Variants in DNAH17 observed in about 807,000 individuals in gnomAD.
DNAH17 encodes axonemal beta dynein heavy chain 17.
Under a neutral mutation model 485.6 loss-of-function variants are expected in DNAH17, and 376 were observed. The ratio of observed to expected loss-of-function variants is 0.77; its 90% CI spans 0.71 to 0.84. DNAH17 has a LOEUF of 0.84. Among genes scored for constraint, DNAH17 ranks in the 40% least tolerant of loss-of-function variants. The pLI is 0.00. For missense variants in DNAH17, 6,370 were observed against 5,839.3 expected (o/e 1.09, Z -2.96); for synonymous variants, 3,031 against 2,405.9 (o/e 1.26, Z -7.60).
chr17:78,457,113 G>A (rs4969146), intron 62 of DNAH17, among the ~76,000 whole-genome samples: 19,788 of 152,310 alleles, frequency 0.13, 1,475 homozygotes, highest in Admixed American at 0.24. Context: ...GCTCACGCCT[G>A]TAATCCCAGC....
intron 68 of DNAH17, 181 bp downstream of exon 68, chr17:78,450,072 TG>T: frequency 1.5e-6 from 1 of 653,598 alleles, no homozygotes; most frequent in Non-Finnish European, 2.6e-6. Context: ...GGAGAATGGG[TG>T]TAGGACTGAT....
In DNAH17 at chr17:78,486,654, G is replaced by A. The variant is rs568982762; in HGVS notation, c.6819-148C>T. 1.0e-4 allele frequency: 104 copies of A among 1,008,572 alleles called. No homozygotes were observed. The African/African-American group carries it at 1.5e-3, about 14-fold the overall frequency. The allele number at this position is 1,008,572 out of a possible 1,614,324, so 62.5% of individuals were successfully genotyped here. ...TGCCTGCATGGCAATGGGTCCAAAC[G>A]AGGGTGCCAGAGGGGCCAGTTGCAG... On this transcript the variant is annotated intron_variant, in intron 44 of 80. Transcript: ENST00000389840.
At chr17:78,494,298 G>T in intron 40 of DNAH17, 125 bp from the exon 41 acceptor site, 2 of 1,366,384 alleles carry the variant, frequency 1.5e-6, no homozygotes, top group South Asian at 1.4e-5. Context: ...TCCGATGCAC[G>T]TGCGTCTGCA....
At chr17:78,546,313 C>T (rs2091762503) in intron 16 of DNAH17, among the ~76,000 whole-genome samples, 1 of 152,234 alleles carries the variant, frequency 6.6e-6, no homozygotes. Context: ...ATTTTATCTT[C>T]AACCTTTCCA....
chr17:78,426,733 C>T (rs1249982033), intron 78 of DNAH17, 133 bp from the exon 79 acceptor site: 7 of 1,357,118 alleles, frequency 5.2e-6, no homozygotes, highest in South Asian at 1.4e-5. Context: ...GCATCAGGGC[C>T]ACGCAAGCGC....
chr17:78,474,876 C>G (rs113625137), intron 54 of DNAH17, among the ~76,000 whole-genome samples: 1 of 148,712 alleles, frequency 6.7e-6, no homozygotes, highest in Non-Finnish European at 1.5e-5. Context: ...GATTTCACAC[C>G]CTTCACCTCA....
In DNAH17 at chr17:78,574,348, C is replaced by T. The variant is rs145601257; in HGVS notation, c.345+365G>A. On this transcript the variant is annotated intron_variant, in intron 2 of 80. Transcript: ENST00000389840. ...AGACCTCATCTCTTACCAAAAAATA[C>T]GAAAATTAGCCAGGTGTGGTGGTGC... 2.3e-3 allele frequency among the ~76,000 whole-genome samples: 355 copies of T among 152,004 alleles called. 1 individual carries two copies. The highest frequency in any genetic ancestry group is 4.4e-3 in the Non-Finnish European group (298 of 67,970).
Position 78,433,115 on chromosome 17 carries a change from G to C in DNAH17, c.12225+914C>G, listed in dbSNP as rs2146432755. ...ATGTCGCTATTGATTTGGAGGCCGA[G>C]AGTGAGGAGGAGGACCCAGGGTTTA... On this transcript the variant is annotated intron_variant, in intron 75 of 80. Transcript: ENST00000389840. Among the ~76,000 whole-genome samples, 3 of 152,300 alleles carry C rather than the reference G, an allele frequency of 2.0e-5. No individual in the cohort carries two copies. The Middle Eastern group carries it at 0.01, about 518-fold the overall frequency.
intron 56 of DNAH17, among the ~76,000 whole-genome samples, chr17:78,464,184 C>G (rs1229450337): frequency 6.6e-6 from 1 of 152,174 alleles, no homozygotes; most frequent in Non-Finnish European, 1.5e-5. Context: ...CTGAGTTGGT[C>G]AAAAGTGAGC....
At chr17:78,546,914 A>AG (rs1188531282) in intron 16 of DNAH17, among the ~76,000 whole-genome samples, 4 of 111,142 alleles carry the variant, frequency 3.6e-5, no homozygotes, top group Admixed American at 8.2e-5. Flanking sequence ...CAAGAAAGAA[A>AG]AAAAAAAATT....
Position 78,532,756 on chromosome 17 carries a change from A to G in DNAH17, c.2860-20T>C. On this transcript the variant is annotated intron_variant, in intron 19 of 80. Coordinates refer to ENST00000389840, the MANE Select transcript of DNAH17 (RefSeq NM_173628.4). ...GTCCATCTGAAAGGGGCAGGGGAGA[A>G]GCAAAAAGGGGAGGTATGTTGCCTG... 1 of 1,565,752 alleles carries G rather than the reference A, an allele frequency of 6.4e-7. No homozygotes were observed. Among genetic ancestry groups the G allele is most frequent in the Non-Finnish European group, 8.7e-7 (1 of 1,153,180 alleles).
At chr17:78,425,983 G>A (rs932687863) in intron 79 of DNAH17, among the ~76,000 whole-genome samples, 2 of 151,998 alleles carry the variant, frequency 1.3e-5, no homozygotes, top group Non-Finnish European at 1.5e-5. Flanking sequence ...GGCTGGTCTC[G>A]AACTCCTGGC....
At chr17:78,451,408 ACCTGGCCCCCTCTG>A in intron 66 of DNAH17, 47 bp downstream of exon 66, 3 of 1,497,864 alleles carry the variant, frequency 2.0e-6, no homozygotes, top group Non-Finnish European at 1.8e-6. Context: ...CCTCACAGTG[ACCTGGCCCCCTCTG>A]TGTGGGACGG....
At chr17:78,431,635 C>CA (rs2086679159) in intron 75 of DNAH17, among the ~76,000 whole-genome samples, 1 of 152,134 alleles carries the variant, frequency 6.6e-6, no homozygotes, top group Admixed American at 6.5e-5. Context: ...TGACATCATT[C>CA]CCGGTGGTCA....
Position 78,560,755 on chromosome 17 carries a change from G to A in DNAH17, c.2016C>T (p.Val672=). The A allele has an allele frequency of 6.4e-7, 1 of 1,551,216 alleles. No individual in the cohort carries two copies. The highest frequency in any genetic ancestry group is 8.7e-7 in the Non-Finnish European group (1 of 1,146,592). Residue 672 remains valine (V), a synonymous_variant, in exon 13 of 81, where the codon GTC becomes GTT. Coordinates refer to ENST00000389840, the MANE Select transcript of DNAH17 (RefSeq NM_173628.4). ...LRDAASNLIH[V]NFSKALVAVL... is the part of the protein sequence containing the mutation. ...TGGCACCCACCGCTTTGCTGAAGTTGACGTGGATGAGGTTGCTAGCGGCGT... is the reference window on the plus strand; with the variant it reads ...TGGCACCCACCGCTTTGCTGAAGTTAACGTGGATGAGGTTGCTAGCGGCGT...
At chr17:78,519,192 A>AAAAAAAAAAAT (rs1568188789) in intron 25 of DNAH17, among the ~76,000 whole-genome samples, 3 of 147,138 alleles carry the variant, frequency 2.0e-5, no homozygotes, top group African/African-American at 7.6e-5. Flanking sequence ...AAAAAAAAAA[A>AAAAAAAAAAAT]AGAAATGTAA....
rs751840513 is a variant in DNAH17, at chr17:78,424,145, A to G, written c.13150T>C (p.Trp4384Arg). ...VYGLFMEGAR[W>R]DTQTGVIAEA... ...GCGATGACTCCAGTCTGGGTGTCCC[A>G]GCGAGCCCCTGCAGGGACAGTATGG... The change falls in exon 81 of 81, where the codon TGG becomes CGG. Residue 4384 changes from tryptophan (W) to arginine (R), a missense_variant. Physicochemically the swap from Trp to Arg is moderately radical, Grantham distance 101 (BLOSUM62 -3). Transcript: ENST00000389840. 16 of 1,611,030 alleles carry G rather than the reference A, an allele frequency of 9.9e-6. No homozygotes were observed. The highest frequency in any genetic ancestry group is 1.4e-5 in the Non-Finnish European group (16 of 1,178,896).
chr17:78,478,892 T>TATC (rs1158732094), intron 51 of DNAH17, 133 bp downstream of exon 51: 2 of 704,522 alleles, frequency 2.8e-6, no homozygotes, highest in African/African-American at 3.6e-5. Context: ...CCACCATTAT[T>TATC]ATCATCATTA....
Position 78,494,155 on chromosome 17 carries a change from C to T in DNAH17, c.6289G>A (p.Val2097Met), listed in dbSNP as rs768536794. The stretch of plus-strand genomic sequence containing the variant: ...TCCTCCGCCTGCAGCTTGAGCTCCA[C>T]GATGCTCTGCTTGATGATCTGGGGA... ...NFEKIIKQSI[V>M]ELKLQAEDSF... Residue 2097 changes from valine (V) to methionine (M), a missense_variant, in exon 41 of 81, where the codon GTG becomes ATG. Transcript: ENST00000389840. 2.1e-5 allele frequency: 34 copies of T among 1,612,106 alleles called. No individual in the cohort carries two copies. Among genetic ancestry groups the T allele is most frequent in the African/African-American group, 5.3e-5 (4 of 74,902 alleles).
Sources: gnomAD v4.1 joint callset for allele counts (sites outside exome capture counted in the v4.1 genomes callset) on GRCh38, gnomAD v4.1.1 for gene constraint, MANE v1.5 for transcripts, NCBI Gene and HGNC (gene_info 2026-07-23, HGNC 2026-07-21) for gene names.